Variants in PDE4D observed in about 807,000 individuals in gnomAD.
PDE4D encodes phosphodiesterase 4D.
A neutral mutation model predicts 87.4 loss-of-function variants in PDE4D; 24 were observed. That is an observed-to-expected ratio of 0.27 (90% CI 0.20 to 0.39). The LOEUF (loss-of-function observed/expected upper bound fraction) is 0.39, where lower values mean the gene tolerates loss of function less well. Ranked by LOEUF, PDE4D falls within the 10% of genes least tolerant of loss-of-function variation. The probability of loss-of-function intolerance (pLI) is 1.00; values close to 1 mark genes in which losing one functional copy is unlikely to be tolerated. For missense variants in PDE4D, 714 were observed against 1,041.0 expected (o/e 0.69, Z 4.32); for synonymous variants, 384 against 383.2 (o/e 1.00, Z -0.02).
intron 1 of PDE4D, among the ~76,000 whole-genome samples, chr5:59,714,078 G>A (rs565181660): frequency 6.6e-6 from 1 of 152,276 alleles, no homozygotes; most frequent in Non-Finnish European, 1.5e-5. Context: ...TGCTTGGTCT[G>A]GGTCTGCACT....
At chr5:60,059,040 A>ATATGTGTGTGTGTG (rs1554143146) in intron 2 of PDE4D, among the ~76,000 whole-genome samples, 1 of 142,334 alleles carries the variant, frequency 7.0e-6, no homozygotes, top group Admixed American at 7.1e-5. Context: ...GCATTGTCAT[A>ATATGTGTGTGTGTG]TGTGTGTGTG....
intron 6 of PDE4D, among the ~76,000 whole-genome samples, chr5:58,998,973 T>C (rs921920584): frequency 3.6e-5 from 5 of 140,628 alleles, no homozygotes; most frequent in Non-Finnish European, 8.3e-5. Flanking sequence ...GCAAGTATAA[T>C]AGACAATCAA....
At chr5:59,899,889 T>G (rs1226847839) in intron 3 of PDE4D, among the ~76,000 whole-genome samples, 2 of 152,188 alleles carry the variant, frequency 1.3e-5, no homozygotes, top group Admixed American at 6.5e-5. Flanking sequence ...GTAAGGACTT[T>G]GGATTTCTGA....
intron 1 of PDE4D, among the ~76,000 whole-genome samples, chr5:59,406,867 C>A (rs1541673): frequency 0.17 from 26,130 of 152,076 alleles, 3,037 homozygotes; most frequent in African/African-American, 0.32. Context: ...CTATTTGTTT[C>A]TTAAACTCTT....
intron 1 of PDE4D, among the ~76,000 whole-genome samples, chr5:59,762,277 G>T (rs908605030): frequency 7.9e-6 from 1 of 126,082 alleles, no homozygotes; most frequent in Non-Finnish European, 1.7e-5. Flanking sequence ...TGTGTATATG[G>T]GTACACATAT....
intron 1 of PDE4D, among the ~76,000 whole-genome samples, chr5:60,462,006 A>C (rs1469243072): frequency 6.6e-6 from 1 of 152,168 alleles, no homozygotes; most frequent in African/African-American, 2.4e-5. Context: ...ATCTCTGAAA[A>C]GCAGGAGTGA....
At chr5:60,459,989 C>T in intron 1 of PDE4D, 1 of 874,352 alleles carries the variant, frequency 1.1e-6, no homozygotes. Flanking sequence ...TCTCATTCTG[C>T]TTCTTCATCA....
At chr5:60,430,875 A>G (rs1290160367) in intron 1 of PDE4D, 1 of 246,844 alleles carries the variant, frequency 4.1e-6, no homozygotes, top group African/African-American at 2.4e-5. Flanking sequence ...TCACAGATCA[A>G]CAGGATCCCA....
At chr5:60,191,390 G>A (rs1005550133) in intron 1 of PDE4D, among the ~76,000 whole-genome samples, 1 of 152,140 alleles carries the variant, frequency 6.6e-6, no homozygotes, top group Non-Finnish European at 1.5e-5. Flanking sequence ...TCCCCATGCT[G>A]ATCTCATGAT....
At chr5:59,393,742 G>T (rs1417364838) in intron 1 of PDE4D, among the ~76,000 whole-genome samples, 1 of 152,134 alleles carries the variant, frequency 6.6e-6, no homozygotes. Flanking sequence ...GTTATTTTTG[G>T]TTCAGACACC....
chr5:59,782,410 G>C (rs1297197690), intron 1 of PDE4D, among the ~76,000 whole-genome samples: 1 of 152,160 alleles, frequency 6.6e-6, no homozygotes, highest in Non-Finnish European at 1.5e-5. Context: ...TACATGTTTG[G>C]TTAAATAATT....
intron 1 of PDE4D, among the ~76,000 whole-genome samples, chr5:60,337,541 C>T (rs1343254929): frequency 1.3e-5 from 2 of 151,310 alleles, no homozygotes; most frequent in Non-Finnish European, 1.5e-5. Context: ...ATACACATGA[C>T]TATATGCATC....
At chr5:59,674,574 C>T (rs1468260378) in intron 1 of PDE4D, among the ~76,000 whole-genome samples, 2 of 152,128 alleles carry the variant, frequency 1.3e-5, no homozygotes, top group East Asian at 3.8e-4. Flanking sequence ...CAAGTGGCAC[C>T]TTATTTGATA....
chr5:59,393,105 C>G (rs2153609311), intron 1 of PDE4D, among the ~76,000 whole-genome samples: 1 of 152,152 alleles, frequency 6.6e-6, no homozygotes, highest in Non-Finnish European at 1.5e-5. Context: ...ATGTTAATTT[C>G]TGATGTAAAA....
intron 1 of PDE4D, among the ~76,000 whole-genome samples, chr5:59,797,795 G>A (rs1056398859): frequency 2.0e-5 from 3 of 151,966 alleles, no homozygotes; most frequent in African/African-American, 7.3e-5. Flanking sequence ...AAGAGTGCAT[G>A]GACACTTTTC....
chr5:59,412,417 A>G (rs1036051397), intron 1 of PDE4D, among the ~76,000 whole-genome samples: 3 of 152,174 alleles, frequency 2.0e-5, no homozygotes, highest in African/African-American at 7.2e-5. Flanking sequence ...CGGTAGTTAC[A>G]CATCCACAAT....
In PDE4D at chr5:60,340,189, C is replaced by T. The variant is rs374288493; in HGVS notation, c.-90+147753G>A. On this transcript the variant is annotated intron_variant, in intron 1 of 16. Coordinates refer to the PDE4D transcript ENST00000502484. Reference sequence around the variant, plus strand: ...ATGTTCAGGGAATCCCTGCTTACAGCGCCTTTTCAGACATTGCATAAGCTA... The same window carrying T: ...ATGTTCAGGGAATCCCTGCTTACAGTGCCTTTTCAGACATTGCATAAGCTA... 9.9e-5 allele frequency among the ~76,000 whole-genome samples: 15 copies of T among 152,252 alleles called. No homozygotes were observed. The South Asian group carries it at 2.7e-3, about 27-fold the overall frequency.
At chr5:60,459,694 T>C (rs1297712980) in intron 1 of PDE4D, among the ~76,000 whole-genome samples, 1 of 152,106 alleles carries the variant, frequency 6.6e-6, no homozygotes, top group Admixed American at 6.6e-5. Flanking sequence ...CTTTTCCCAT[T>C]GTATTCTGCA....
chr5:59,424,459 A>T (rs1035018772), intron 1 of PDE4D, among the ~76,000 whole-genome samples: 2 of 152,158 alleles, frequency 1.3e-5, no homozygotes, highest in Non-Finnish European at 2.9e-5. Context: ...TTTATATAGA[A>T]AGGATGGTTA....
Sources: gnomAD v4.1 joint callset for allele counts (sites outside exome capture counted in the v4.1 genomes callset) on GRCh38, gnomAD v4.1.1 for gene constraint, MANE v1.5 for transcripts, NCBI Gene and HGNC (gene_info 2026-07-23, HGNC 2026-07-21) for gene names.